SHC4: variants seen among roughly 807,000 people sequenced by gnomAD.
SHC4 encodes SHC-transforming protein 4.
Under a neutral mutation model 69.4 loss-of-function variants are expected in SHC4, and 41 were observed. That is an observed-to-expected ratio of 0.59 (90% CI 0.46 to 0.77). The LOEUF (loss-of-function observed/expected upper bound fraction) is 0.77. Among genes scored for constraint, SHC4 ranks in the 30% least tolerant of loss-of-function variants. The pLI is 0.00. For synonymous variants in SHC4, 318 were observed against 299.3 expected (o/e 1.06, Z -0.64); for missense variants, 777 against 783.8 (o/e 0.99, Z 0.10).
intron 5 of SHC4, among the ~76,000 whole-genome samples, chr15:48,869,638 T>C (rs959129612): frequency 3.9e-5 from 6 of 151,928 alleles, no homozygotes; most frequent in South Asian, 2.1e-4. Context: ...GTTTAGGGAG[T>C]TTAAATAAGT....
chr15:48,896,343 C>T lies in SHC4; in HGVS notation c.657-5532G>A, dbSNP rs1164415413. 7.6e-4 allele frequency among the ~76,000 whole-genome samples: 101 copies of T among 133,616 alleles called. No individual in the cohort carries two copies. In the East Asian group the frequency reaches 7.8e-3, roughly 10 times the overall value. 87.7% of individuals were successfully genotyped at this position (133,616 alleles called of 152,430 possible). ...TTTCTTTCTTTTTTTTTTTTTGAGA[C>T]GGAGTCTCACTCTGTCGGCCAGGCT... On this transcript the variant is annotated intron_variant, in intron 2 of 11. Transcript: ENST00000332408.
rs115618658 is a variant in SHC4 at position 48,865,259 on chromosome 15, G to A, written c.946+2559C>T. On this transcript the variant is annotated intron_variant, in intron 6 of 11. Transcript: ENST00000332408. ...ACTGTCAGTCCAAGGGCTCAGGTCGGGGGAAAAGATTTAGCACTAGAGGAC... is the reference window on the plus strand; with the variant it reads ...ACTGTCAGTCCAAGGGCTCAGGTCGAGGGAAAAGATTTAGCACTAGAGGAC... Among the ~76,000 whole-genome samples the A allele has an allele frequency of 6.3e-3, 953 of 152,258 alleles. 8 individuals are homozygous for A. Among genetic ancestry groups the A allele is most frequent in the African/African-American group, 0.022 (900 of 41,552 alleles).
chr15:48,892,608 G>A (rs1164876685), intron 2 of SHC4, among the ~76,000 whole-genome samples: 1 of 151,992 alleles, frequency 6.6e-6, no homozygotes, highest in Non-Finnish European at 1.5e-5. Flanking sequence ...GCTAGTCCAG[G>A]CACCCCACTC....
intron 2 of SHC4, among the ~76,000 whole-genome samples, chr15:48,893,923 A>G (rs376508776): frequency 6.6e-6 from 1 of 152,206 alleles, no homozygotes; most frequent in Non-Finnish European, 1.5e-5. Context: ...CTGCACTCCC[A>G]CCTGGGTGAC....
At chr15:48,913,410 C>T (rs1900548519) in intron 2 of SHC4, among the ~76,000 whole-genome samples, 1 of 152,110 alleles carries the variant, frequency 6.6e-6, no homozygotes, top group Non-Finnish European at 1.5e-5. Context: ...ATCCAGCTCC[C>T]ATGCAAACCG....
At chr15:48,897,150 T>G (rs969203776) in intron 2 of SHC4, among the ~76,000 whole-genome samples, 6 of 152,144 alleles carry the variant, frequency 3.9e-5, no homozygotes, top group Non-Finnish European at 7.4e-5. Context: ...GCAGAAATTT[T>G]GGGGTTTCAG....
chr15:48,887,850 A>T (rs985947337), intron 3 of SHC4, among the ~76,000 whole-genome samples: 1 of 152,226 alleles, frequency 6.6e-6, no homozygotes. Context: ...AATAAAAAGG[A>T]TTGTAAGAGA....
At chr15:48,961,950 T>C (rs1901552769) in intron 1 of SHC4, among the ~76,000 whole-genome samples, 1 of 152,222 alleles carries the variant, frequency 6.6e-6, no homozygotes, top group African/African-American at 2.4e-5. Context: ...TGTTAAATGC[T>C]GAAATAAATT....
chr15:48,931,502 C>T (rs921318966), intron 1 of SHC4, among the ~76,000 whole-genome samples: 13 of 152,146 alleles, frequency 8.5e-5, no homozygotes, highest in African/African-American at 3.1e-4. Flanking sequence ...CCAGAAAAGT[C>T]AACTCTTACT....
At chr15:48,839,208 T>C (rs1252064760) in intron 10 of SHC4, among the ~76,000 whole-genome samples, 1 of 152,188 alleles carries the variant, frequency 6.6e-6, no homozygotes, top group Non-Finnish European at 1.5e-5. Context: ...AGGAATATTG[T>C]GGAAAACTCC....
intron 1 of SHC4, among the ~76,000 whole-genome samples, chr15:48,948,698 G>A (rs956262301): frequency 6.6e-6 from 1 of 152,152 alleles, no homozygotes; most frequent in African/African-American, 2.4e-5. Flanking sequence ...TTGAGCCCTG[G>A]AGTTTGAGAC....
At chr15:48,905,435 A>C (rs1297149853) in intron 2 of SHC4, among the ~76,000 whole-genome samples, 1 of 152,228 alleles carries the variant, frequency 6.6e-6, no homozygotes, top group Non-Finnish European at 1.5e-5. Flanking sequence ...ATTCAACTGC[A>C]GCTTCTGTGC....
intron 1 of SHC4, among the ~76,000 whole-genome samples, chr15:48,953,996 C>T (rs1445565184): frequency 6.6e-6 from 1 of 152,186 alleles, no homozygotes; most frequent in Non-Finnish European, 1.5e-5. Context: ...GGCTTAGATT[C>T]GATTTACAGG....
chr15:48,867,920 G>A lies in SHC4; in HGVS notation c.895-51C>T, dbSNP rs1272846089. On this transcript the variant is annotated intron_variant, in intron 5 of 11. Coordinates refer to ENST00000332408, the MANE Select transcript of SHC4 (RefSeq NM_203349.4). ...TTTAAAATGGATGAACTGTACTGTTGAAAGAAACATATATTTTGGACATGA... is the reference window on the plus strand; with the variant it reads ...TTTAAAATGGATGAACTGTACTGTTAAAAGAAACATATATTTTGGACATGA... 8.9e-6 allele frequency: 13 copies of A among 1,453,208 alleles called. 1 individual carries two copies. Among genetic ancestry groups the A allele is most frequent in the Non-Finnish European group, 1.2e-5 (13 of 1,043,584 alleles). 90.0% of individuals were successfully genotyped at this position (1,453,208 alleles called of 1,614,324 possible).
intron 1 of SHC4, among the ~76,000 whole-genome samples, chr15:48,957,958 A>G (rs963170600): frequency 6.6e-6 from 1 of 152,260 alleles, no homozygotes; most frequent in Admixed American, 6.5e-5. Flanking sequence ...GGCAACTGCC[A>G]AAAGCTAGAA....
intron 6 of SHC4, 37 bp downstream of exon 6, chr15:48,867,781 C>T: frequency 6.3e-7 from 1 of 1,588,568 alleles, no homozygotes; most frequent in East Asian, 2.2e-5. Context: ...TTGGTATATA[C>T]CAGCTCTTTA....
chr15:48,884,428 T>C (rs1336391259), intron 3 of SHC4, 61 bp from the exon 4 acceptor site: 11 of 1,418,718 alleles, frequency 7.8e-6, no homozygotes, highest in Non-Finnish European at 1.0e-5. Flanking sequence ...GAATAAATGT[T>C]AATGTTTTTT....
chr15:48,893,856 T>C (rs533067357), intron 2 of SHC4, among the ~76,000 whole-genome samples: 23 of 152,206 alleles, frequency 1.5e-4, no homozygotes, highest in Non-Finnish European at 2.2e-4. Context: ...CACATACTTG[T>C]AGTCCCAGCT....
At chr15:48,935,036 C>A (rs59709825) in intron 1 of SHC4, among the ~76,000 whole-genome samples, 2 of 152,126 alleles carry the variant, frequency 1.3e-5, no homozygotes, top group East Asian at 3.9e-4. Context: ...ATTAAAAAAC[C>A]ATTGAATTGT....
Sources: gnomAD v4.1 joint callset for allele counts (sites outside exome capture counted in the v4.1 genomes callset) on GRCh38, gnomAD v4.1.1 for gene constraint, MANE v1.5 for transcripts, NCBI Gene and HGNC (gene_info 2026-07-23, HGNC 2026-07-21) for gene names.